Variants in SCMH1 observed in about 807,000 individuals in gnomAD.
SCMH1 encodes the protein polycomb protein SCMH1.
Under a neutral mutation model 70.8 loss-of-function variants are expected in SCMH1, and 37 were observed. The observed-to-expected ratio is 0.52, with a 90% CI of 0.40 to 0.69. The LOEUF is 0.69. SCMH1 is among the 30% of genes least tolerant of loss of function. SCMH1 has a pLI of 0.00. For synonymous variants in SCMH1, 292 were observed against 307.4 expected, an observed-to-expected ratio of 0.95 and a Z score of 0.52; for missense variants, 607 against 827.3, an observed-to-expected ratio of 0.73 and a Z score of 3.27.
intron 6 of SCMH1, among the ~76,000 whole-genome samples, chr1:41,123,269 T>C (rs554230521): frequency 6.6e-6 from 1 of 152,296 alleles, no homozygotes; most frequent in South Asian, 2.1e-4. Flanking sequence ...AATCTAATCA[T>C]AGTCCATGCC....
At chr1:41,172,194 A>AAC (rs2148514830) in intron 2 of SCMH1, among the ~76,000 whole-genome samples, 1 of 152,058 alleles carries the variant, frequency 6.6e-6, no homozygotes, top group East Asian at 1.9e-4. Flanking sequence ...CAAAAAAAAA[A>AAC]AAAAAAACGC....
intron 12 of SCMH1, among the ~76,000 whole-genome samples, chr1:41,042,774 T>C (rs1469414090): frequency 6.6e-6 from 1 of 152,242 alleles, no homozygotes; most frequent in Non-Finnish European, 1.5e-5. Flanking sequence ...AGCACAGGGA[T>C]GGAGTCTGTC....
chr1:41,189,376 C>T (rs1447993198), intron 1 of SCMH1, among the ~76,000 whole-genome samples: 1 of 152,170 alleles, frequency 6.6e-6, no homozygotes, highest in Non-Finnish European at 1.5e-5. Flanking sequence ...GTCTTGAACT[C>T]CTGACCTCAG....
intron 5 of SCMH1, among the ~76,000 whole-genome samples, chr1:41,150,355 T>C (rs1407004661): frequency 6.6e-6 from 1 of 151,928 alleles, no homozygotes; most frequent in East Asian, 1.9e-4. Flanking sequence ...GTACAAAAAT[T>C]AGCCAGGCAT....
At chr1:41,165,634 G>A (rs946248258) in intron 2 of SCMH1, among the ~76,000 whole-genome samples, 1 of 152,134 alleles carries the variant, frequency 6.6e-6, no homozygotes, top group South Asian at 2.1e-4. Context: ...TTTCTCTGAT[G>A]ATTAGAGATG....
chr1:41,222,248 AAAAG>A (rs1318839612), intron 1 of SCMH1, among the ~76,000 whole-genome samples: 1 of 152,122 alleles, frequency 6.6e-6, no homozygotes, highest in African/African-American at 2.4e-5. Context: ...GGAAAGGAGA[AAAAG>A]AAATACTGCA....
intron 1 of SCMH1, among the ~76,000 whole-genome samples, chr1:41,195,188 CAGGCCGTGTGGCCTCTATTGAA>C (rs1436923151): frequency 6.9e-6 from 1 of 145,228 alleles, no homozygotes; most frequent in African/African-American, 2.5e-5. Context: ...TGCAGCTTAC[CAGGCCGTGTGGCCTCTATTGAA>C]ACATGAAACT....
At chr1:41,048,396 AG>A (rs1647100261) in intron 11 of SCMH1, among the ~76,000 whole-genome samples, 2 of 152,164 alleles carry the variant, frequency 1.3e-5, no homozygotes, top group Non-Finnish European at 2.9e-5. Flanking sequence ...GCCACAACAT[AG>A]CCCCCTCTGG....
At chr1:41,066,430 T>C (rs997624712) in intron 10 of SCMH1, among the ~76,000 whole-genome samples, 3 of 152,244 alleles carry the variant, frequency 2.0e-5, no homozygotes, top group African/African-American at 7.2e-5. Flanking sequence ...CCTTCCTTGC[T>C]TTCTGTGTTT....
rs537283269 is a variant in SCMH1, at chr1:41,048,326, A to G, written c.1306+364T>C. On this transcript the variant is annotated intron_variant, in intron 11 of 14. Transcript: ENST00000337495. ...TAAGGAATCAAAGGAATGATAGAGG[A>G]GTTCAGTGGTTCCTGAAACCAGGTG... Among the ~76,000 whole-genome samples the G allele has an allele frequency of 5.3e-5, 8 of 152,272 alleles. No homozygotes were observed. The South Asian group carries it at 1.5e-3, about 28-fold the overall frequency.
At chr1:41,123,219 C>T (rs1672373064) in intron 6 of SCMH1, among the ~76,000 whole-genome samples, 1 of 152,116 alleles carries the variant, frequency 6.6e-6, no homozygotes, top group Non-Finnish European at 1.5e-5. Flanking sequence ...GAGACTCTGC[C>T]TCAATACATA....
At chr1:41,178,909 C>T (rs947672148) in intron 2 of SCMH1, among the ~76,000 whole-genome samples, 1 of 152,222 alleles carries the variant, frequency 6.6e-6, no homozygotes, top group Non-Finnish European at 1.5e-5. Flanking sequence ...CAGAACTCCC[C>T]ACCCCAAATC....
At chr1:41,126,503 A>G (rs1673216706) in intron 6 of SCMH1, among the ~76,000 whole-genome samples, 1 of 152,140 alleles carries the variant, frequency 6.6e-6, no homozygotes, top group Non-Finnish European at 1.5e-5. Context: ...AGACATGCCT[A>G]ATGGGTGATC....
chr1:41,033,269 C>T (rs1377830065), intron 13 of SCMH1, among the ~76,000 whole-genome samples: 1 of 149,712 alleles, frequency 6.7e-6, no homozygotes, highest in Non-Finnish European at 1.5e-5. Flanking sequence ...CTGGGTGACA[C>T]AGTGAGAGAC....
At chr1:41,144,588 C>A (rs1370506931) in intron 5 of SCMH1, among the ~76,000 whole-genome samples, 3 of 152,068 alleles carry the variant, frequency 2.0e-5, no homozygotes, top group Non-Finnish European at 4.4e-5. Flanking sequence ...TTTCTGTGGA[C>A]ATGTTTTCTA....
chr1:41,191,937 T>C (rs1324530101), intron 1 of SCMH1, among the ~76,000 whole-genome samples: 1 of 152,152 alleles, frequency 6.6e-6, no homozygotes, highest in Non-Finnish European at 1.5e-5. Flanking sequence ...GAATGCCCCT[T>C]ACCTCCTTGA....
At chr1:41,162,347 G>C (rs1028767981) in intron 2 of SCMH1, among the ~76,000 whole-genome samples, 3 of 152,158 alleles carry the variant, frequency 2.0e-5, no homozygotes, top group Admixed American at 6.5e-5. Flanking sequence ...AAGCAGAAAA[G>C]GGCGGATCCC....
At chr1:41,106,262 G>A (rs1667890666) in intron 8 of SCMH1, among the ~76,000 whole-genome samples, 1 of 151,740 alleles carries the variant, frequency 6.6e-6, no homozygotes. Flanking sequence ...GGGGCCTGGT[G>A]GGAGGTGTTT....
chr1:41,069,286 G>A (rs1377270408), intron 10 of SCMH1, among the ~76,000 whole-genome samples: 1 of 152,084 alleles, frequency 6.6e-6, no homozygotes, highest in African/African-American at 2.4e-5. Flanking sequence ...ATTAAGAAGA[G>A]TTAAATTCTC....
Sources: allele counts gnomAD v4.1 joint callset (sites outside exome capture counted in the v4.1 genomes callset), GRCh38; gene constraint gnomAD v4.1.1; transcripts MANE v1.5; gene names NCBI Gene and HGNC (gene_info 2026-07-23, HGNC 2026-07-21).